SEMA3F: variants seen among roughly 807,000 people sequenced by gnomAD.
SEMA3F encodes the protein semaphorin-3F.
SEMA3F carries 30 observed loss-of-function variants against 98.5 expected under a neutral mutation model. The observed-to-expected ratio is 0.30, with a 90% CI of 0.23 to 0.41. The LOEUF (loss-of-function observed/expected upper bound fraction) is 0.41. Ranked by LOEUF, SEMA3F falls within the 10% of genes least tolerant of loss-of-function variation. The pLI, the probability that SEMA3F is intolerant of heterozygous loss-of-function variation, is 1.00. For missense variants in SEMA3F, 866 were observed against 1,119.3 expected, an observed-to-expected ratio of 0.77 and a Z score of 3.23; for synonymous variants, 380 against 444.8, an observed-to-expected ratio of 0.85 and a Z score of 1.83.
intron 2 of SEMA3F, among the ~76,000 whole-genome samples, chr3:50,167,208 A>T (rs1416627522): frequency 6.6e-6 from 1 of 152,220 alleles, no homozygotes; most frequent in Non-Finnish European, 1.5e-5. Context: ...CACACTGTTA[A>T]GTTCCAAGTG....
intron 2 of SEMA3F, among the ~76,000 whole-genome samples, chr3:50,170,781 C>T (rs1241170618): frequency 6.6e-6 from 1 of 152,084 alleles, no homozygotes. Context: ...CCATGCGCGA[C>T]CTCCTGGGGC....
Position 50,188,220 on chromosome 3 carries a change from C to T in SEMA3F, c.*105C>T. The stretch of plus-strand genomic sequence containing the variant: ...ATATAAAATATCTATATTCTATACA[C>T]ACCCTGCCCCTGCAAAGACAGTATT... On this transcript the variant is annotated 3_prime_UTR_variant, in exon 19 of 19. Coordinates refer to ENST00000002829, the MANE Select transcript of SEMA3F (RefSeq NM_004186.5). The surrounding 1 kb of genome is among the most constrained non-coding windows in gnomAD (Gnocchi z 4.5). The T allele has an allele frequency of 2.5e-6, 1 of 397,750 alleles. No homozygotes were observed. The highest frequency in any genetic ancestry group is 3.8e-6 in the Non-Finnish European group (1 of 261,166). The allele number at this position is 397,750 out of a possible 1,614,324, so 24.6% of individuals were successfully genotyped here.
intron 2 of SEMA3F, among the ~76,000 whole-genome samples, chr3:50,168,486 C>T (rs1037733649): frequency 2.0e-5 from 3 of 152,030 alleles, no homozygotes; most frequent in Non-Finnish European, 2.9e-5. Flanking sequence ...ATCAGGGTGG[C>T]GTTGGGGTGT....
rs2109110924 is a variant in SEMA3F, at chr3:50,182,243, C to T, written c.644-41C>T. The T allele has an allele frequency of 6.2e-7, 1 of 1,613,780 alleles. No homozygotes were observed. The highest frequency in any genetic ancestry group is 1.3e-5 in the African/African-American group (1 of 75,060). On this transcript the variant is annotated intron_variant, in intron 7 of 18. Coordinates refer to ENST00000002829, the MANE Select transcript of SEMA3F (RefSeq NM_004186.5). The surrounding 1 kb of genome is among the most constrained non-coding windows in gnomAD (Gnocchi z 4.5). ...CATCTGAGCTGTGCCCTGGCCCTAG[C>T]AAACAGCAGCCCCCCAACTGACCCA...
In SEMA3F at chr3:50,159,635, G is replaced by A. The variant is rs753220300; in HGVS notation, c.13G>A (p.Gly5Ser). Residue 5 changes from glycine (G) to serine (S), a missense_variant, in exon 2 of 19, where the codon GGT (glycine) becomes AGT (serine). By Grantham distance (56) the Gly-to-Ser change is moderately conservative. Transcript: ENST00000002829. The part of the protein sequence containing the change: MLVA[G>S]LLLWASLLTG... ...GGCCCCTCCCACAATGCTTGTCGCC[G>A]GTCTTCTTCTCTGGGCTTCCCTACT... The A allele has an allele frequency of 3.2e-5, 51 of 1,608,972 alleles. No homozygotes were observed. Among genetic ancestry groups the A allele is most frequent in the Admixed American group, 6.8e-5 (4 of 59,174 alleles).
chr3:50,186,318 A>C lies in SEMA3F; in HGVS notation c.1783A>C (p.Ile595Leu), dbSNP rs753421778. 1.5e-5 allele frequency: 24 copies of C among 1,613,918 alleles called. No homozygotes were observed. In the South Asian group the frequency reaches 2.6e-4, roughly 18 times the overall value. The change falls in exon 17 of 19, where the codon ATC becomes CTC. Residue 595 changes from isoleucine (I) to leucine (L), a missense_variant. Physicochemically the swap from Ile to Leu is conservative, Grantham distance 5. Transcript: ENST00000002829. ...RRQDVRHGNP[I>L]RQCRGFNSNA... ...GCAGGACGTCCGGCACGGAAACCCC[A>C]TCAGGCAGTGCCGTGGGTTCAACTC...
chr3:50,188,024 G>A lies in SEMA3F; in HGVS notation c.2267G>A (p.Ser756Asn). The change falls in exon 19 of 19, where the codon AGC (serine) becomes AAC (asparagine). Residue 756 changes from serine to asparagine, a missense_variant. By Grantham distance (46) the Ser-to-Asn change is conservative. This residue lies in a region of SEMA3F where 245 missense variants were observed against 260.5 expected (regional missense o/e 0.94). Coordinates refer to ENST00000002829, the MANE Select transcript of SEMA3F (RefSeq NM_004186.5). This position sits in a 1 kb window ranked among gnomAD's most constrained non-coding sequence, Gnocchi z 4.5. ...GGTTACTGGCGCCATGTGCCCCCCA[G>A]CCCCAGGGAGGCTCCAGGGGCACCC... ...CQGYWRHVPP[S>N]PREAPGAPRS... The A allele has an allele frequency of 6.3e-7, 1 of 1,599,584 alleles. No individual in the cohort carries two copies. Among genetic ancestry groups the A allele is most frequent in the Non-Finnish European group, 8.5e-7 (1 of 1,173,952 alleles).
intron 15 of SEMA3F, 80 bp from the exon 16 acceptor site, chr3:50,185,809 G>T: frequency 2.5e-6 from 4 of 1,606,710 alleles, no homozygotes; most frequent in Non-Finnish European, 2.6e-6. Flanking sequence ...ATGGAACAGG[G>T]GAGAGGAGCC....
At position 50,175,193 on chromosome 3, in the gene SEMA3F, G is replaced by A. The variant is rs1249209530; in HGVS notation, c.549+5G>A. 11 of 1,579,176 alleles carry A rather than the reference G, an allele frequency of 7.0e-6. No individual in the cohort carries two copies. The highest frequency in any genetic ancestry group is 9.5e-6 in the Non-Finnish European group (11 of 1,158,880). ...ATGCCCACAGCCCCACGCCAGGTGGGCCTCATCCCTCCAGGCCTTTGCCAG... is the reference window on the plus strand; with the variant it reads ...ATGCCCACAGCCCCACGCCAGGTGGACCTCATCCCTCCAGGCCTTTGCCAG... On this transcript the variant is annotated splice_donor_5th_base_variant and intron_variant, in intron 6 of 18. Coordinates refer to ENST00000002829, the MANE Select transcript of SEMA3F (RefSeq NM_004186.5).
chr3:50,187,605 C>T, intron 18 of SEMA3F, 100 bp from the exon 19 acceptor site: 2 of 941,674 alleles, frequency 2.1e-6, no homozygotes, highest in Non-Finnish European at 3.1e-6. Context: ...CACATGGGTG[C>T]CTCTACACGG....
chr3:50,165,464 G>A (rs1698368580), intron 2 of SEMA3F, among the ~76,000 whole-genome samples: 1 of 152,210 alleles, frequency 6.6e-6, no homozygotes, highest in Non-Finnish European at 1.5e-5. Flanking sequence ...ACGCACAGTT[G>A]GCTGCAATAA....
rs1049234677 is a variant in SEMA3F at position 50,182,470 on chromosome 3, A to C, written c.763+67A>C. On this transcript the variant is annotated intron_variant, in intron 8 of 18. Transcript: ENST00000002829. This position sits in a 1 kb window ranked among gnomAD's most constrained non-coding sequence, Gnocchi z 4.5. ...GGATGCGGCAAGGAGGTCGTAAAGA[A>C]GCACATGTGGGGGAAGTGGGGACAT... is the stretch of plus-strand genomic sequence containing the variant. 8 of 1,605,050 alleles carry C rather than the reference A, an allele frequency of 5.0e-6. No individual in the cohort carries two copies. The highest frequency in any genetic ancestry group is 6.8e-6 in the Non-Finnish European group (8 of 1,176,858).
rs958668603 is a variant in SEMA3F, at chr3:50,156,675, G to A, written c.-49+1111G>A. ...GTGTGCCAGGACCCCGTAGGGTATA[G>A]TGTCTAGGCAGGCGGGGGGCACAGG... On this transcript the variant is annotated intron_variant, in intron 1 of 18. Coordinates refer to ENST00000002829, the MANE Select transcript of SEMA3F (RefSeq NM_004186.5). The surrounding 1 kb of genome is among the most constrained non-coding windows in gnomAD (Gnocchi z 4.5). 6.6e-6 allele frequency among the ~76,000 whole-genome samples: 1 copy of A among 152,226 alleles called. No individual in the cohort carries two copies. The highest frequency in any genetic ancestry group is 1.5e-5 in the Non-Finnish European group (1 of 68,036).
At chr3:50,178,484 G>C (rs1478738175) in intron 7 of SEMA3F, among the ~76,000 whole-genome samples, 1 of 151,950 alleles carries the variant, frequency 6.6e-6, no homozygotes, top group East Asian at 1.9e-4. Context: ...ACTTTGGGAG[G>C]CTGAGGCGGG....
chr3:50,185,856 C>A, intron 15 of SEMA3F, 33 bp from the exon 16 acceptor site: 1 of 1,606,812 alleles, frequency 6.2e-7, no homozygotes, highest in Non-Finnish European at 8.5e-7. Context: ...GGCTATGGGA[C>A]AGGAACTGAC....
Position 50,183,180 on chromosome 3 carries a change from C to T in SEMA3F, c.1019-6C>T, listed in dbSNP as rs769428937. 1 of 1,613,478 alleles carries T rather than the reference C, an allele frequency of 6.2e-7. No individual in the cohort carries two copies. Among genetic ancestry groups the T allele is most frequent in the Non-Finnish European group, 8.5e-7 (1 of 1,179,456 alleles). The stretch of plus-strand genomic sequence containing the variant: ...ACCCTCCAACACCTTCTCCCTCTGT[C>T]CCCAGAGGACGTGTTTGTCCAGCAG... On this transcript the variant is annotated splice_polypyrimidine_tract_variant and splice_region_variant and intron_variant, in intron 10 of 18. Transcript: ENST00000002829.
At chr3:50,157,689 C>A (rs1390172775) in intron 1 of SEMA3F, among the ~76,000 whole-genome samples, 1 of 152,170 alleles carries the variant, frequency 6.6e-6, no homozygotes, top group African/African-American at 2.4e-5. Context: ...AACTTGAGCC[C>A]CTCCCCATTC....
intron 7 of SEMA3F, among the ~76,000 whole-genome samples, chr3:50,177,439 G>T (rs180923628): frequency 5.9e-5 from 9 of 152,298 alleles, no homozygotes; most frequent in Admixed American, 4.6e-4. Flanking sequence ...ACTGACCCTG[G>T]CTCATGCACG....
intron 10 of SEMA3F, 45 bp from the exon 11 acceptor site, chr3:50,183,141 C>A: frequency 6.3e-7 from 1 of 1,598,764 alleles, no homozygotes; most frequent in Non-Finnish European, 8.6e-7. Flanking sequence ...GGCCCAGGGG[C>A]TCCCGCCCAT....
Sources: allele counts gnomAD v4.1 joint callset (sites outside exome capture counted in the v4.1 genomes callset), GRCh38; gene constraint gnomAD v4.1.1; regional missense constraint gnomAD v4.1.1; non-coding constraint Gnocchi (gnomAD v3.1); transcripts MANE v1.5; gene names NCBI Gene and HGNC (gene_info 2026-07-23, HGNC 2026-07-21).